The following ATP2C2 variants were observed in gnomAD, a reference collection of about 807,000 sequenced individuals.
ATP2C2 encodes calcium-transporting ATPase type 2C member 2.
In ATP2C2, 171 loss-of-function variants were observed where a neutral mutation model predicts 110.8. The ratio of observed to expected loss-of-function variants is 1.54; its 90% CI spans 1.36 to 1.75. The LOEUF (loss-of-function observed/expected upper bound fraction) is 1.75, where lower values mean the gene tolerates loss of function less well. Among genes scored for constraint, ATP2C2 ranks in the 40% most tolerant of loss-of-function variants. ATP2C2 has a pLI of 0.00. For synonymous variants in ATP2C2, 804 were observed against 508.4 expected (o/e 1.58, Z -7.82); for missense variants, 1,963 against 1,235.0 (o/e 1.59, Z -8.84).
chr16:84,437,241 A>G (rs1010832687), intron 11 of ATP2C2, among the ~76,000 whole-genome samples: 1 of 151,946 alleles, frequency 6.6e-6, no homozygotes. Flanking sequence ...AGGCTGTAGC[A>G]CAGTGACATG....
intron 1 of ATP2C2, among the ~76,000 whole-genome samples, chr16:84,383,540 T>C (rs1463314213): frequency 1.3e-5 from 2 of 152,192 alleles, no homozygotes; most frequent in African/African-American, 4.8e-5. Flanking sequence ...CATTTCTTCA[T>C]TTATTGTCTG....
chr16:84,436,950 C>T (rs915562664), intron 11 of ATP2C2, among the ~76,000 whole-genome samples: 4 of 151,904 alleles, frequency 2.6e-5, no homozygotes, highest in Non-Finnish European at 4.4e-5. Flanking sequence ...TTAGGAGAGA[C>T]GGGGTTTCTC....
chr16:84,406,233 A>C (rs1305736837), intron 3 of ATP2C2, among the ~76,000 whole-genome samples: 1 of 152,200 alleles, frequency 6.6e-6, no homozygotes, highest in Non-Finnish European at 1.5e-5. Flanking sequence ...TAAGAAGGGG[A>C]AAGAAAAAAC....
intron 1 of ATP2C2, among the ~76,000 whole-genome samples, chr16:84,393,662 T>C (rs1904795702): frequency 6.6e-6 from 1 of 150,792 alleles, no homozygotes; most frequent in Admixed American, 6.6e-5. Context: ...TGGAAACCCA[T>C]GCTGAGATGT....
chr16:84,460,917 A>T, intron 24 of ATP2C2, 116 bp downstream of exon 24: 1 of 1,365,770 alleles, frequency 7.3e-7, no homozygotes, highest in Non-Finnish European at 9.9e-7. Context: ...ACATGTACAC[A>T]CACCGGACAA....
intron 20 of ATP2C2, among the ~76,000 whole-genome samples, chr16:84,453,784 G>C (rs1910539502): frequency 6.6e-6 from 1 of 152,136 alleles, no homozygotes; most frequent in African/African-American, 2.4e-5. Context: ...TGAAAACTGG[G>C]AGCTGTAATT....
At chr16:84,449,201 C>T (rs1401260551) in intron 17 of ATP2C2, among the ~76,000 whole-genome samples, 1 of 152,232 alleles carries the variant, frequency 6.6e-6, no homozygotes, top group Non-Finnish European at 1.5e-5. Context: ...CACTGGTATT[C>T]CCTTGGGGGA....
intron 7 of ATP2C2, among the ~76,000 whole-genome samples, chr16:84,420,789 C>T (rs1907262727): frequency 6.6e-6 from 1 of 152,152 alleles, no homozygotes; most frequent in East Asian, 1.9e-4. Flanking sequence ...TTGTTTTTGA[C>T]CTTGACCTTG....
intron 11 of ATP2C2, among the ~76,000 whole-genome samples, chr16:84,427,713 T>C (rs993052039): frequency 8.5e-5 from 13 of 152,154 alleles, no homozygotes; most frequent in Admixed American, 7.2e-4. Context: ...CAAGAGACTG[T>C]CTGAAAAAAG....
chr16:84,408,247 G>A (rs1357907741), intron 3 of ATP2C2, among the ~76,000 whole-genome samples, 158 bp from the exon 4 acceptor site: 1 of 152,200 alleles, frequency 6.6e-6, no homozygotes, highest in South Asian at 2.1e-4. Flanking sequence ...GAGGACCACT[G>A]CATGGGGGTG....
intron 1 of ATP2C2, among the ~76,000 whole-genome samples, chr16:84,378,970 A>G (rs1416539879): frequency 1.3e-5 from 2 of 150,934 alleles, no homozygotes; most frequent in Non-Finnish European, 3.0e-5. Context: ...TTTTTTTTCA[A>G]CTTCTATTTT....
At chr16:84,462,303 G>C in intron 26 of ATP2C2, 174 bp downstream of exon 26, 1 of 809,148 alleles carries the variant, frequency 1.2e-6, no homozygotes, top group Non-Finnish European at 1.9e-6. Flanking sequence ...TCTAACGTGG[G>C]TGATGTGACG....
At chr16:84,392,162 A>G (rs1010318106) in intron 1 of ATP2C2, among the ~76,000 whole-genome samples, 6 of 152,136 alleles carry the variant, frequency 3.9e-5, no homozygotes, top group South Asian at 2.1e-4. Context: ...AGGGGAGCCA[A>G]TCTTGACTCC....
chr16:84,428,176 G>C (rs545767445), intron 11 of ATP2C2, among the ~76,000 whole-genome samples: 1 of 152,332 alleles, frequency 6.6e-6, no homozygotes, highest in Admixed American at 6.5e-5. Context: ...GTGTGGGCAA[G>C]AGAATCTTGC....
intron 10 of ATP2C2, among the ~76,000 whole-genome samples, chr16:84,424,576 CTT>C (rs371614449): frequency 0.12 from 14,033 of 114,662 alleles, 1,125 homozygotes; most frequent in Non-Finnish European, 0.17. Flanking sequence ...CCGCACTGGG[CTT>C]TTTTTTTTTT....
intron 1 of ATP2C2, among the ~76,000 whole-genome samples, chr16:84,389,517 T>G (rs1904522111): frequency 6.6e-6 from 1 of 152,100 alleles, no homozygotes; most frequent in African/African-American, 2.4e-5. Flanking sequence ...TACTGGAAAA[T>G]CATCTGGTGT....
Position 84,453,172 on chromosome 16 carries a change from A to G in ATP2C2, c.1866A>G (p.Gln622=), listed in dbSNP as rs1206825686. 9 of 1,613,876 alleles carry G rather than the reference A, an allele frequency of 5.6e-6. No homozygotes were observed. The highest frequency in any genetic ancestry group is 3.3e-5 in the Admixed American group (2 of 59,988). The change falls in exon 19 of 27, where the codon CAA becomes CAG. Residue 622 remains glutamine (Q), a synonymous_variant. Transcript: ENST00000262429. ...RNIGLCNGKL[Q]AMSGEEVDSV... is the part of the protein sequence containing the mutation. Reference sequence around the variant, plus strand: ...TCGGCCTGTGCAACGGGAAGCTGCAAGCCATGTCCGGGGAGGAGGTGGACA... The same window carrying G: ...TCGGCCTGTGCAACGGGAAGCTGCAGGCCATGTCCGGGGAGGAGGTGGACA...
Position 84,451,959 on chromosome 16 carries a change from AC to A in ATP2C2, c.1700del (p.Thr567SerfsTer16). 1 of 1,613,756 alleles carries A rather than the reference AC, an allele frequency of 6.2e-7. No homozygotes were observed. The highest frequency in any genetic ancestry group is 8.5e-7 in the Non-Finnish European group (1 of 1,179,926). ...TTCTGGGCCCGAGCTGGGGCGGCTG[AC>A]GTTTCTCGGTCTTGTGGGCATCATT... ...LASGPELGRL[T>X]FLGLVGIIDP... On this transcript the variant is annotated frameshift_variant, in exon 18 of 27. Transcript: ENST00000262429. LOFTEE classifies it high-confidence loss of function.
chr16:84,412,460 C>CGTGTGTGTCTGTGTCTG (rs1906440878), intron 6 of ATP2C2, among the ~76,000 whole-genome samples: 1 of 146,056 alleles, frequency 6.8e-6, no homozygotes, highest in African/African-American at 2.6e-5. Context: ...GTCTGTGTCT[C>CGTGTGTGTCTGTGTCTG]CGTGTGTGTG....
Sources: gnomAD v4.1 joint callset for allele counts (sites outside exome capture counted in the v4.1 genomes callset) on GRCh38, gnomAD v4.1.1 for gene constraint, MANE v1.5 for transcripts, NCBI Gene and HGNC (gene_info 2026-07-23, HGNC 2026-07-21) for gene names.